FGD2: variants seen among roughly 807,000 people sequenced by gnomAD.
FGD2 encodes the protein FYVE, RhoGEF and PH domain containing 2, also known as FYVE, RhoGEF and PH domain-containing protein 2.
A neutral mutation model predicts 75.9 loss-of-function variants in FGD2; 52 were observed. That is an observed-to-expected ratio of 0.69 (90% CI 0.55 to 0.86). The LOEUF (loss-of-function observed/expected upper bound fraction) is 0.86. Ranked by LOEUF, FGD2 falls within the 40% of genes least tolerant of loss-of-function variation. The probability of loss-of-function intolerance (pLI) is 0.00; values close to 1 mark genes in which losing one functional copy is unlikely to be tolerated. For missense variants in FGD2, 790 were observed against 872.0 expected (o/e 0.91, Z 1.18); for synonymous variants, 347 against 348.6 (o/e 1.00, Z 0.05).
intron 1 of FGD2, among the ~76,000 whole-genome samples, chr6:37,007,201 AG>A (rs1764794424): frequency 6.6e-6 from 1 of 152,198 alleles, no homozygotes; most frequent in African/African-American, 2.4e-5. Flanking sequence ...GGTCATAGAC[AG>A]TAGATGTCCT....
intron 8 of FGD2, among the ~76,000 whole-genome samples, chr6:37,015,441 G>A (rs760156010): frequency 6.6e-6 from 1 of 152,226 alleles, no homozygotes; most frequent in East Asian, 1.9e-4. Flanking sequence ...CTGCCTGGAG[G>A]TCTGGGGAAC....
At chr6:37,018,284 G>A (rs1444580047) in intron 9 of FGD2, among the ~76,000 whole-genome samples, 3 of 152,142 alleles carry the variant, frequency 2.0e-5, no homozygotes, top group Non-Finnish European at 4.4e-5. Context: ...TGTGTGTGCC[G>A]GGTCTCTGGA....
intron 13 of FGD2, chr6:37,022,652 T>C (rs530775892): frequency 6.3e-6 from 2 of 315,742 alleles, no homozygotes; most frequent in African/African-American, 2.4e-5. Context: ...CCTCTACCTG[T>C]CCCACCTCGG....
At chr6:37,021,826 G>C (rs1389094704) in intron 12 of FGD2, 2 of 535,222 alleles carry the variant, frequency 3.7e-6, no homozygotes, top group Non-Finnish European at 6.6e-6. Flanking sequence ...AGCTGTCTTG[G>C]GGAAGTGTTT....
chr6:37,010,291 T>C (rs1047916159), intron 2 of FGD2, among the ~76,000 whole-genome samples: 10 of 152,222 alleles, frequency 6.6e-5, no homozygotes, highest in South Asian at 2.1e-4. Flanking sequence ...ACTTTTTCAG[T>C]GTGTCCTTAC....
In FGD2 at chr6:37,028,160, C is replaced by A. The variant is rs267601004; in HGVS notation, c.1965C>A (p.Asp655Glu). ...PSWPNDGDLS[D>E] The stretch of plus-strand genomic sequence containing the variant: ...GGCCCAACGATGGGGACCTGTCCGA[C>A]TGAGCCACTGCCAGCCGCTCTCCTG... The change falls in exon 16 of 16, where the codon GAC becomes GAA. Residue 655 changes from aspartate (D) to glutamate (E), a missense_variant. Coordinates refer to ENST00000274963, the MANE Select transcript of FGD2 (RefSeq NM_173558.4). The A allele has an allele frequency of 6.4e-7, 1 of 1,573,450 alleles. No homozygotes were observed. Among genetic ancestry groups the A allele is most frequent in the Non-Finnish European group, 8.6e-7 (1 of 1,158,842 alleles).
chr6:37,016,699 A>C (rs1765318445), intron 9 of FGD2, among the ~76,000 whole-genome samples: 1 of 151,760 alleles, frequency 6.6e-6, no homozygotes, highest in East Asian at 1.9e-4. Flanking sequence ...ATGCCCGGCC[A>C]ATTTTTGTAT....
chr6:37,014,184 T>G (rs1209302577), intron 6 of FGD2, 84 bp downstream of exon 6: 2 of 1,491,970 alleles, frequency 1.3e-6, no homozygotes, highest in Non-Finnish European at 1.8e-6. Flanking sequence ...TAAAATGGTT[T>G]TGACGACCAT....
intron 6 of FGD2, 116 bp from the exon 7 acceptor site, chr6:37,014,530 C>T: frequency 8.3e-7 from 1 of 1,203,448 alleles, no homozygotes; most frequent in Non-Finnish European, 1.2e-6. Flanking sequence ...GGCAGGGCTG[C>T]TCCTGGGGGC....
intron 15 of FGD2, 22 bp from the exon 16 acceptor site, chr6:37,027,926 C>T (rs1583331457): frequency 6.2e-7 from 1 of 1,611,204 alleles, no homozygotes; most frequent in East Asian, 2.2e-5. Context: ...GACAGTGGCC[C>T]ACTGCTCTCT....
Position 37,005,899 on chromosome 6 carries a change from G to A in FGD2, c.68+14G>A. The A allele has an allele frequency of 6.2e-7, 1 of 1,612,560 alleles. No individual in the cohort carries two copies. The highest frequency in any genetic ancestry group is 8.5e-7 in the Non-Finnish European group (1 of 1,179,622). On this transcript the variant is annotated intron_variant, in intron 1 of 15. Coordinates refer to ENST00000274963, the MANE Select transcript of FGD2 (RefSeq NM_173558.4). The stretch of plus-strand genomic sequence containing the variant: ...TGAGAATAGCAGGTATGGGCAGCTG[G>A]GGTGGGAGGGTCACCATGGTGGGCT...
At position 37,025,943 on chromosome 6, in the gene FGD2, G is replaced by A. The variant is rs1765798534; in HGVS notation, c.1605+5G>A. The A allele has an allele frequency of 6.2e-7, 1 of 1,613,666 alleles. No individual in the cohort carries two copies. Among genetic ancestry groups the A allele is most frequent in the Non-Finnish European group, 8.5e-7 (1 of 1,179,854 alleles). On this transcript the variant is annotated splice_donor_5th_base_variant and intron_variant, in intron 14 of 15. Coordinates refer to ENST00000274963, the MANE Select transcript of FGD2 (RefSeq NM_173558.4). The stretch of plus-strand genomic sequence containing the variant: ...AAGAGGCGGGGCATCCTGGAGGTGA[G>A]GGCCACTGTCCCCGCGCTCACCATC...
chr6:37,009,040 T>C lies in FGD2; in HGVS notation c.275T>C (p.Val92Ala). 1 of 1,614,204 alleles carries C rather than the reference T, an allele frequency of 6.2e-7. No individual in the cohort carries two copies. The highest frequency in any genetic ancestry group is 8.5e-7 in the Non-Finnish European group (1 of 1,180,022). Residue 92 changes from valine (V) to alanine (A), a missense_variant, in exon 2 of 16, where the codon GTG (valine) becomes GCG (alanine). Transcript: ENST00000274963. ...SEAWRKSCQP[V>A]TLSGSGTQEP... ...GCCTGGAGGAAATCTTGCCAGCCTG[T>C]GACCCTCTCAGGATCGGGGACGCAG...
chr6:37,028,339 T>TC lies in FGD2; in HGVS notation c.*178dup. 1.6e-6 allele frequency: 1 copy of TC among 610,120 alleles called. No individual in the cohort carries two copies. The highest frequency in any genetic ancestry group is 2.7e-6 in the Non-Finnish European group (1 of 365,762). 37.8% of individuals were successfully genotyped at this position (610,120 alleles called of 1,614,324 possible). A position where few individuals can be genotyped will look rare whatever the true frequency, so the allele number is the denominator to read the frequency against. On this transcript the variant is annotated 3_prime_UTR_variant, in exon 16 of 16. Transcript: ENST00000274963. ...CTGGGATTAGAAAATATGGGTCCAT[T>TC]CCTTTCTAGAAAGGGGACAACCAAG...
rs756612292 is a variant in FGD2, at chr6:37,022,273, A to T, written c.1361A>T (p.Gln454Leu). 1 of 1,592,404 alleles carries T rather than the reference A, an allele frequency of 6.3e-7. No individual in the cohort carries two copies. The highest frequency in any genetic ancestry group is 8.5e-7 in the Non-Finnish European group (1 of 1,170,118). ...GAGGAGCTGGGCCTCCGGGCACCGC[A>T]GTGGGTCCGGGACAAGATGGTGACC... ...QSEELGLRAPQWVRDKMVTMC... is the reference protein window; with the variant it reads ...QSEELGLRAPLWVRDKMVTMC... The change falls in exon 13 of 16, where the codon CAG becomes CTG. Residue 454 changes from glutamine (Q) to leucine (L), a missense_variant. Gln to Leu is a moderately radical substitution (Grantham distance 113). Coordinates refer to ENST00000274963, the MANE Select transcript of FGD2 (RefSeq NM_173558.4).
chr6:37,020,497 G>T, intron 9 of FGD2, 44 bp from the exon 10 acceptor site: 2 of 1,557,202 alleles, frequency 1.3e-6, no homozygotes, highest in Admixed American at 1.9e-5. Context: ...CCTGGGACCC[G>T]GGCTATGATG....
In FGD2 at chr6:37,013,692, A is replaced by G. The variant is rs765489413; in HGVS notation, c.611A>G (p.Glu204Gly). Residue 204 changes from glutamate to glycine, a missense_variant, in exon 5 of 16, where the codon GAG (glutamate) becomes GGG (glycine). Glu to Gly is a moderately conservative substitution (Grantham distance 98, BLOSUM62 -2). Transcript: ENST00000274963. The stretch of plus-strand genomic sequence containing the variant: ...TACAGTGAGTATGTCAAGAACTTTG[A>G]GCGAGCGGCTGAGCTGCTGGCCACC... ...KMYSEYVKNF[E>G]RAAELLATWT... is the part of the protein sequence containing the mutation. The G allele has an allele frequency of 6.2e-7, 1 of 1,614,030 alleles. No individual in the cohort carries two copies. Among genetic ancestry groups the G allele is most frequent in the Non-Finnish European group, 8.5e-7 (1 of 1,179,968 alleles).
intron 1 of FGD2, among the ~76,000 whole-genome samples, chr6:37,007,402 G>A (rs992490946): frequency 2.0e-5 from 3 of 152,188 alleles, no homozygotes; most frequent in African/African-American, 4.8e-5. Flanking sequence ...CTTGGGTGCC[G>A]CCTTCCTGGC....
Position 37,008,981 on chromosome 6 carries a change from C to T in FGD2, c.216C>T (p.Tyr72=), listed in dbSNP as rs766256148. ...GSEPRTVSRR[Y]LNSLKNKLSS... is the part of the protein sequence containing the mutation. ...AGCCCAGGACAGTCAGCAGGAGGTACCTGAACTCCCTGAAGAACAAGCTGT... is the reference window on the plus strand; with the variant it reads ...AGCCCAGGACAGTCAGCAGGAGGTATCTGAACTCCCTGAAGAACAAGCTGT... Residue 72 remains tyrosine (Y), a synonymous_variant, in exon 2 of 16, where the codon TAC becomes TAT. Coordinates refer to ENST00000274963, the MANE Select transcript of FGD2 (RefSeq NM_173558.4). 1.2e-6 allele frequency: 2 copies of T among 1,614,088 alleles called. No individual in the cohort carries two copies. Among genetic ancestry groups the T allele is most frequent in the African/African-American group, 1.3e-5 (1 of 74,918 alleles).
Sources: allele counts gnomAD v4.1 joint callset (sites outside exome capture counted in the v4.1 genomes callset), GRCh38; gene constraint gnomAD v4.1.1; transcripts MANE v1.5; gene names NCBI Gene and HGNC (gene_info 2026-07-23, HGNC 2026-07-21).